RIT2: variants seen among roughly 807,000 people sequenced by gnomAD.
The protein encoded by RIT2 is Ras like without CAAX 2.
RIT2 carries 24 observed loss-of-function variants against 23.7 expected under a neutral mutation model. That is an observed-to-expected ratio of 1.01 (90% CI 0.73 to 1.43). RIT2 has a LOEUF of 1.43. RIT2 is among the 40% of genes most tolerant of loss of function. The pLI is 0.00. For synonymous variants in RIT2, 107 were observed against 91.1 expected (o/e 1.17, Z -0.99); for missense variants, 236 against 266.9 (o/e 0.88, Z 0.81).
At chr18:42,889,413 A>T (rs1033027683) in intron 4 of RIT2, among the ~76,000 whole-genome samples, 6 of 152,048 alleles carry the variant, frequency 3.9e-5, no homozygotes, top group African/African-American at 1.4e-4. Context: ...TATATATATA[A>T]AACTATAGGA....
chr18:43,091,180 CTATT>C (rs1913414805), intron 1 of RIT2, among the ~76,000 whole-genome samples: 1 of 151,470 alleles, frequency 6.6e-6, no homozygotes, highest in Admixed American at 6.6e-5. Flanking sequence ...ATTTCATTTA[CTATT>C]TATTTAATGT....
intron 4 of RIT2, among the ~76,000 whole-genome samples, chr18:42,879,522 C>T (rs191375972): frequency 2.0e-4 from 30 of 151,638 alleles, no homozygotes; most frequent in African/African-American, 7.0e-4. Context: ...TATCACCTGA[C>T]TTCTTTTTTG....
At chr18:43,030,923 T>C (rs1016708422) in intron 2 of RIT2, among the ~76,000 whole-genome samples, 4 of 152,058 alleles carry the variant, frequency 2.6e-5, no homozygotes, top group Non-Finnish European at 5.9e-5. Flanking sequence ...AATGGAAAAG[T>C]TAAGCAGGCT....
chr18:43,071,315 A>G (rs1450006009), intron 1 of RIT2, among the ~76,000 whole-genome samples: 20 of 152,154 alleles, frequency 1.3e-4, no homozygotes, highest in Admixed American at 1.3e-3. Flanking sequence ...TTCAACTCTA[A>G]GCTGTATATA....
intron 4 of RIT2, among the ~76,000 whole-genome samples, chr18:42,775,479 A>G (rs939569337): frequency 5.3e-5 from 8 of 152,008 alleles, no homozygotes; most frequent in Non-Finnish European, 8.8e-5. Flanking sequence ...GGCGGATCAC[A>G]AGGTCAGGAG....
rs76269943 is a variant in RIT2 at position 43,096,176 on chromosome 18, G to A, written c.103+19241C>T. On this transcript the variant is annotated intron_variant, in intron 1 of 4. Transcript: ENST00000326695. ...CAAGTATTTCCTGAGAGTCTGTTAA[G>A]AAATCCACGAAAGCACATATTCTAA... 5.0e-3 allele frequency among the ~76,000 whole-genome samples: 766 copies of A among 151,986 alleles called. 8 individuals carry two copies. Among genetic ancestry groups the A allele is most frequent in the African/African-American group, 0.017 (720 of 41,512 alleles).
chr18:42,892,195 A>T (rs1198389690), intron 4 of RIT2, among the ~76,000 whole-genome samples: 1 of 152,150 alleles, frequency 6.6e-6, no homozygotes. Flanking sequence ...ACTCTGTAGC[A>T]CTTCCTACCT....
rs113595527 is a variant in RIT2 at position 42,791,529 on chromosome 18, G to A, written c.427-47809C>T. 1.3e-3 allele frequency among the ~76,000 whole-genome samples: 195 copies of A among 152,174 alleles called. No individual in the cohort carries two copies. In the Middle Eastern group the frequency reaches 0.014, roughly 11 times the overall value. On this transcript the variant is annotated intron_variant, in intron 4 of 4. Coordinates refer to ENST00000326695, the MANE Select transcript of RIT2 (RefSeq NM_002930.4). The stretch of plus-strand genomic sequence containing the variant: ...GTTGAGAGCTACCTATTAGTGTCCC[G>A]CTGACCTGTTTCATTATTTTTCCAC...
chr18:42,800,861 A>AAG (rs1905520469), intron 4 of RIT2, among the ~76,000 whole-genome samples: 1 of 151,818 alleles, frequency 6.6e-6, no homozygotes, highest in African/African-American at 2.4e-5. Context: ...AAACTCTCTT[A>AAG]TGTTTTCCCG....
At chr18:42,847,554 C>G (rs1180037313) in intron 4 of RIT2, among the ~76,000 whole-genome samples, 1 of 152,050 alleles carries the variant, frequency 6.6e-6, no homozygotes, top group Non-Finnish European at 1.5e-5. Flanking sequence ...TCTTCATGCA[C>G]CCCAAGATGG....
chr18:42,936,496 C>A (rs1909461858), intron 3 of RIT2, among the ~76,000 whole-genome samples: 1 of 152,132 alleles, frequency 6.6e-6, no homozygotes. Flanking sequence ...TAAACAGGAA[C>A]CATTCTGAGT....
chr18:42,794,581 G>C (rs1914113738), intron 4 of RIT2, among the ~76,000 whole-genome samples: 1 of 152,166 alleles, frequency 6.6e-6, no homozygotes, highest in African/African-American at 2.4e-5. Flanking sequence ...AATACAGATA[G>C]TTAAATCTTA....
intron 3 of RIT2, among the ~76,000 whole-genome samples, chr18:42,951,413 C>G (rs576723190): frequency 1.3e-5 from 2 of 151,572 alleles, no homozygotes; most frequent in Non-Finnish European, 2.9e-5. Flanking sequence ...CAGTAGATAC[C>G]GGGGACTGCT....
chr18:42,806,331 T>C (rs1905684127), intron 4 of RIT2, among the ~76,000 whole-genome samples: 1 of 151,570 alleles, frequency 6.6e-6, no homozygotes, highest in African/African-American at 2.4e-5. Context: ...TAGCCAGGTG[T>C]GGTGGCACAC....
chr18:43,049,410 T>C (rs1912324451), intron 1 of RIT2, among the ~76,000 whole-genome samples: 2 of 152,294 alleles, frequency 1.3e-5, no homozygotes, highest in South Asian at 4.1e-4. Flanking sequence ...ACTAGATATG[T>C]TCTTTTTATT....
At chr18:42,844,943 T>C (rs2144028959) in intron 4 of RIT2, among the ~76,000 whole-genome samples, 1 of 152,276 alleles carries the variant, frequency 6.6e-6, no homozygotes, top group East Asian at 1.9e-4. Context: ...AAGTGGACAA[T>C]GAAGTAATCA....
At chr18:43,077,645 A>G (rs1333923523) in intron 1 of RIT2, among the ~76,000 whole-genome samples, 1 of 152,156 alleles carries the variant, frequency 6.6e-6, no homozygotes, top group African/African-American at 2.4e-5. Flanking sequence ...ACATCTTTCA[A>G]ATTCAAATTG....
rs533955710 is a variant in RIT2, at chr18:42,981,167, A to G, written c.161-7020T>C. ...GGGATGAAGGGGAAGAGAAGAAAAT[A>G]ATCTTTCCTCCCCAGCACCTGGCAT... On this transcript the variant is annotated intron_variant, in intron 2 of 4. Coordinates refer to ENST00000326695, the MANE Select transcript of RIT2 (RefSeq NM_002930.4). Among the ~76,000 whole-genome samples the G allele has an allele frequency of 4.6e-5, 7 of 152,146 alleles. No homozygotes were observed. In the South Asian group the frequency reaches 1.5e-3, roughly 32 times the overall value.
rs4890418 is a variant in RIT2 at position 42,914,336 on chromosome 18, G to A, written c.426+9236C>T. On this transcript the variant is annotated intron_variant, in intron 4 of 4. Coordinates refer to ENST00000326695, the MANE Select transcript of RIT2 (RefSeq NM_002930.4). Reference sequence around the variant, plus strand: ...AAAAGCTTATGTTCCACAGAAACTTGTGTGTGAATGCCCATAGCAGCTTTC... The same window carrying A: ...AAAAGCTTATGTTCCACAGAAACTTATGTGTGAATGCCCATAGCAGCTTTC... Among the ~76,000 whole-genome samples the A allele has an allele frequency of 7.6e-3, 1,151 of 152,176 alleles. 7 individuals are homozygous for A. The highest frequency in any genetic ancestry group is 0.012 in the African/African-American group (481 of 41,552).
Sources: gnomAD v4.1 joint callset for allele counts (sites outside exome capture counted in the v4.1 genomes callset) on GRCh38, gnomAD v4.1.1 for gene constraint, MANE v1.5 for transcripts, NCBI Gene and HGNC (gene_info 2026-07-23, HGNC 2026-07-21) for gene names.